The following PRKCA variants were observed in gnomAD, a reference collection of about 807,000 sequenced individuals.
PRKCA encodes protein kinase C alpha.
A neutral mutation model predicts 87.0 loss-of-function variants in PRKCA; 27 were observed. That is an observed-to-expected ratio of 0.31 (90% CI 0.23 to 0.43). PRKCA has a LOEUF of 0.43. Ranked by LOEUF, PRKCA falls within the 20% of genes least tolerant of loss-of-function variation. PRKCA has a pLI of 1.00. For synonymous variants in PRKCA, 329 were observed against 311.1 expected (o/e 1.06, Z -0.61); for missense variants, 518 against 852.3 (o/e 0.61, Z 4.88).
Position 66,727,046 on chromosome 17 carries a change from C to G in PRKCA, c.919-5642C>G, listed in dbSNP as rs146556936. 2.5e-3 allele frequency among the ~76,000 whole-genome samples: 375 copies of G among 152,178 alleles called. 3 individuals carry two copies. Among genetic ancestry groups the G allele is most frequent in the African/African-American group, 8.5e-3 (355 of 41,522 alleles). The stretch of plus-strand genomic sequence containing the variant: ...GCTTCTGCTGTCATTTTAGCAGTAG[C>G]CCGCCAGCGAGAGCAACGGGACATC... On this transcript the variant is annotated intron_variant, in intron 8 of 16. Transcript: ENST00000413366.
chr17:66,693,654 T>G (rs1972838665), intron 8 of PRKCA, among the ~76,000 whole-genome samples: 2 of 152,152 alleles, frequency 1.3e-5, no homozygotes, highest in South Asian at 4.1e-4. Context: ...AGGTCCACCT[T>G]GCGTTAGAGG....
intron 3 of PRKCA, among the ~76,000 whole-genome samples, chr17:66,616,921 C>A (rs1001663203): frequency 6.6e-6 from 1 of 151,742 alleles, no homozygotes; most frequent in Non-Finnish European, 1.5e-5. Flanking sequence ...TTGGTGGGAG[C>A]AGGAGCTCCA....
At chr17:66,365,233 C>T (rs1396905280) in intron 2 of PRKCA, among the ~76,000 whole-genome samples, 1 of 152,120 alleles carries the variant, frequency 6.6e-6, no homozygotes, top group African/African-American at 2.4e-5. Flanking sequence ...ATTCAGTGTT[C>T]TGTTGGATTT....
chr17:66,315,044 C>G (rs1273829241), intron 2 of PRKCA, among the ~76,000 whole-genome samples: 1 of 151,622 alleles, frequency 6.6e-6, no homozygotes, highest in Non-Finnish European at 1.5e-5. Flanking sequence ...TATATATACA[C>G]CTAGCTTGTG....
intron 5 of PRKCA, among the ~76,000 whole-genome samples, chr17:66,673,685 C>T (rs937830978): frequency 1.3e-5 from 2 of 152,108 alleles, no homozygotes; most frequent in African/African-American, 4.8e-5. Flanking sequence ...GCACCCAGAC[C>T]CAGTTTGTAC....
At chr17:66,711,863 C>T (rs1007207245) in intron 8 of PRKCA, among the ~76,000 whole-genome samples, 1 of 152,062 alleles carries the variant, frequency 6.6e-6, no homozygotes, top group African/African-American at 2.4e-5. Context: ...GCAGATGTGC[C>T]TGTTAGAGGA....
At chr17:66,399,645 T>A (rs945032779) in intron 2 of PRKCA, among the ~76,000 whole-genome samples, 1 of 152,192 alleles carries the variant, frequency 6.6e-6, no homozygotes, top group Non-Finnish European at 1.5e-5. Flanking sequence ...TGGCAGTTAC[T>A]ATTCTACTTT....
At chr17:66,524,354 T>C (rs1189081029) in intron 3 of PRKCA, among the ~76,000 whole-genome samples, 3 of 152,242 alleles carry the variant, frequency 2.0e-5, no homozygotes, top group Non-Finnish European at 4.4e-5. Context: ...GGAAGTATCC[T>C]TCATTATGCT....
intron 8 of PRKCA, among the ~76,000 whole-genome samples, chr17:66,709,357 G>A (rs114177853): frequency 8.1e-4 from 110 of 135,036 alleles, no homozygotes; most frequent in African/African-American, 3.1e-3. Flanking sequence ...TGTTGCCTAG[G>A]CTGGAATGCA....
intron 3 of PRKCA, among the ~76,000 whole-genome samples, chr17:66,564,867 C>T (rs921484177): frequency 1.8e-4 from 28 of 152,130 alleles, no homozygotes; most frequent in Non-Finnish European, 3.4e-4. Flanking sequence ...GTAGTCCCAG[C>T]TACTCAGGAG....
intron 2 of PRKCA, among the ~76,000 whole-genome samples, chr17:66,319,581 A>G (rs185010922): frequency 6.6e-6 from 1 of 151,980 alleles, no homozygotes; most frequent in East Asian, 1.9e-4. Context: ...TGAAAAAAAA[A>G]TTTTTTTAAG....
At chr17:66,745,106 T>C (rs146555304) in intron 13 of PRKCA, among the ~76,000 whole-genome samples, 1 of 152,328 alleles carries the variant, frequency 6.6e-6, no homozygotes, top group African/African-American at 2.4e-5. Context: ...GATTCACAGG[T>C]TCCAGGGATA....
At chr17:66,734,015 C>G (rs915105597) in intron 9 of PRKCA, among the ~76,000 whole-genome samples, 1 of 152,192 alleles carries the variant, frequency 6.6e-6, no homozygotes, top group Non-Finnish European at 1.5e-5. Flanking sequence ...CCTGATAGCT[C>G]CTACTGCTAG....
chr17:66,515,310 A>C (rs1220564820), intron 3 of PRKCA, among the ~76,000 whole-genome samples: 1 of 150,760 alleles, frequency 6.6e-6, no homozygotes, highest in East Asian at 2.0e-4. Flanking sequence ...AATGTTGGAT[A>C]GGTAACTAAC....
chr17:66,406,077 G>A (rs1166639602), intron 2 of PRKCA, among the ~76,000 whole-genome samples: 1 of 152,190 alleles, frequency 6.6e-6, no homozygotes, highest in Non-Finnish European at 1.5e-5. Flanking sequence ...TGGGTTGAGT[G>A]ATGGGAGCTG....
intron 5 of PRKCA, among the ~76,000 whole-genome samples, chr17:66,650,158 A>G (rs566395054): frequency 1.3e-5 from 2 of 152,370 alleles, no homozygotes; most frequent in East Asian, 1.9e-4. Context: ...AGAATCACTC[A>G]GGTTGAAGAT....
Position 66,689,036 on chromosome 17 carries a change from C to T in PRKCA, c.907C>T (p.Gln303Ter). The T allele has an allele frequency of 6.3e-7, 1 of 1,593,082 alleles. No individual in the cohort carries two copies. Among genetic ancestry groups the T allele is most frequent in the Non-Finnish European group, 8.6e-7 (1 of 1,169,246 alleles). The stretch of plus-strand genomic sequence containing the variant: ...CGAGGAAGGAAACATGGAACTCAGG[C>T]AGAAATTCGAGGTGAGGATAACAAA... ...GDEEGNMELR[Q>*]KFEKAKLGPA... Residue 303 changes from glutamine to a stop codon, truncating the protein, a stop_gained, in exon 8 of 17, where the codon CAG becomes TAG. Coordinates refer to ENST00000413366, the MANE Select transcript of PRKCA (RefSeq NM_002737.3). LOFTEE classifies it high-confidence loss of function. This position sits in a 1 kb window ranked among gnomAD's most constrained non-coding sequence, Gnocchi z 4.1.
intron 10 of PRKCA, among the ~76,000 whole-genome samples, chr17:66,736,507 A>G (rs4078454): frequency 7.8e-4 from 118 of 151,960 alleles, no homozygotes; most frequent in African/African-American, 2.8e-3. Flanking sequence ...TGAACTTCTG[A>G]CCTCAGGTGA....
At chr17:66,644,867 A>G (rs1219532672) in intron 4 of PRKCA, among the ~76,000 whole-genome samples, 2 of 152,122 alleles carry the variant, frequency 1.3e-5, no homozygotes, top group Non-Finnish European at 2.9e-5. Flanking sequence ...GTTCACATCC[A>G]TAGTCCCAGT....
Sources: allele counts gnomAD v4.1 joint callset (sites outside exome capture counted in the v4.1 genomes callset), GRCh38; gene constraint gnomAD v4.1.1; non-coding constraint Gnocchi (gnomAD v3.1); transcripts MANE v1.5; gene names NCBI Gene and HGNC (gene_info 2026-07-23, HGNC 2026-07-21).